NRG1: variants seen among roughly 807,000 people sequenced by gnomAD.
NRG1 encodes neuregulin 1, also known as pro-neuregulin-1, membrane-bound isoform.
Under a neutral mutation model 63.8 loss-of-function variants are expected in NRG1, and 18 were observed. That is an observed-to-expected ratio of 0.28 (90% CI 0.19 to 0.42). NRG1 has a LOEUF of 0.42. Among genes scored for constraint, NRG1 ranks in the 10% least tolerant of loss-of-function variants. NRG1 has a pLI of 1.00. For synonymous variants in NRG1, 302 were observed against 301.3 expected, an observed-to-expected ratio of 1.00 and a Z score of -0.02; for missense variants, 762 against 814.7, an observed-to-expected ratio of 0.94 and a Z score of 0.79.
rs36074483 is a variant in NRG1, at chr8:31,648,124, C to CTTTTTTTTTTTT, written c.37+8709_37+8720dup. On this transcript the variant is annotated intron_variant, in intron 1 of 10. Coordinates refer to the NRG1 transcript ENST00000519301. ...TTCTGTCTTTACAAATTTGACTACT[C>CTTTTTTTTTTTT]TTTTTTTTTTTTTTTTTTTTTTTTT... is the stretch of plus-strand genomic sequence containing the variant. Among the ~76,000 whole-genome samples, 39 of 51,306 alleles carry CTTTTTTTTTTTT rather than the reference C, an allele frequency of 7.6e-4. 9 individuals carry two copies. Among genetic ancestry groups the CTTTTTTTTTTTT allele is most frequent in the African/African-American group, 3.5e-3 (38 of 10,808 alleles). The allele number at this position is 51,306 out of a possible 152,430, so 33.7% of individuals were successfully genotyped here.
intron 1 of NRG1, among the ~76,000 whole-genome samples, chr8:31,835,579 A>C (rs936567000): frequency 1.3e-5 from 2 of 152,196 alleles, no homozygotes; most frequent in African/African-American, 2.4e-5. Flanking sequence ...AAGTGGATTC[A>C]GATTCATTAA....
intron 1 of NRG1, among the ~76,000 whole-genome samples, chr8:31,922,734 T>A (rs1563571304): frequency 6.6e-6 from 1 of 152,168 alleles, no homozygotes; most frequent in Non-Finnish European, 1.5e-5. Context: ...ATCTAGAAGA[T>A]TTTGGACAAT....
chr8:31,974,800 G>T (rs1807887914), intron 1 of NRG1, among the ~76,000 whole-genome samples: 1 of 152,178 alleles, frequency 6.6e-6, no homozygotes, highest in Non-Finnish European at 1.5e-5. Flanking sequence ...TTATTTTAAA[G>T]CTGATTGGAT....
At position 31,800,837 on chromosome 8, in the gene NRG1, C is replaced by CTTTTTTTTTTT. The variant is rs5890598; in HGVS notation, c.37+161417_37+161427dup. Among the ~76,000 whole-genome samples, 92 of 105,036 alleles carry CTTTTTTTTTTT rather than the reference C, an allele frequency of 8.8e-4. 2 individuals are homozygous for CTTTTTTTTTTT. The highest frequency in any genetic ancestry group is 2.5e-3 in the African/African-American group (66 of 26,650). 68.9% of individuals were successfully genotyped at this position (105,036 alleles called of 152,430 possible). On this transcript the variant is annotated intron_variant, in intron 1 of 10. Coordinates refer to the NRG1 transcript ENST00000519301. ...GATTTAGATTTCTCCAGTCTCCTTT[C>CTTTTTTTTTTT]TTTTTTTTTTTTTTTTTTTTTGAGA...
chr8:31,639,834 C>T, intron 1 of NRG1: 1 of 1,185,082 alleles, frequency 8.4e-7, no homozygotes, highest in Non-Finnish European at 1.0e-6. Flanking sequence ...AACAACTCTC[C>T]TACCCCTGCA....
chr8:32,668,794 T>C (rs981192806), intron 5 of NRG1, among the ~76,000 whole-genome samples: 5 of 152,118 alleles, frequency 3.3e-5, no homozygotes, highest in African/African-American at 1.2e-4. Context: ...ATGTTAGAAA[T>C]AGAAAAAAGA....
chr8:31,723,718 T>A (rs945928480), intron 1 of NRG1, among the ~76,000 whole-genome samples: 2 of 152,180 alleles, frequency 1.3e-5, no homozygotes, highest in African/African-American at 4.8e-5. Flanking sequence ...TGGAGTACTA[T>A]GTCCTTTAAA....
intron 1 of NRG1, among the ~76,000 whole-genome samples, chr8:32,327,230 G>A (rs191951563): frequency 2.4e-3 from 360 of 152,326 alleles, no homozygotes; most frequent in Non-Finnish European, 4.3e-3. Flanking sequence ...TGAATGGTGT[G>A]ATCCAACTTT....
chr8:32,689,881 C>G (rs1811134716), intron 5 of NRG1, among the ~76,000 whole-genome samples: 1 of 152,124 alleles, frequency 6.6e-6, no homozygotes, highest in African/African-American at 2.4e-5. Context: ...TCAGTCCTAC[C>G]TCTTGCTTCT....
chr8:32,240,212 A>G (rs569353812), intron 1 of NRG1, among the ~76,000 whole-genome samples: 10 of 152,326 alleles, frequency 6.6e-5, no homozygotes, highest in African/African-American at 1.9e-4. Context: ...ATGACATACT[A>G]TGAAGCAATA....
intron 1 of NRG1, among the ~76,000 whole-genome samples, chr8:32,119,503 CA>C (rs1833162237): frequency 6.6e-6 from 1 of 152,078 alleles, no homozygotes; most frequent in African/African-American, 2.4e-5. Context: ...TTTCTTCACC[CA>C]AACCATGTTC....
intron 1 of NRG1, among the ~76,000 whole-genome samples, chr8:31,879,108 G>C (rs892218357): frequency 6.6e-6 from 1 of 152,116 alleles, no homozygotes; most frequent in Admixed American, 6.6e-5. Flanking sequence ...CAAGGGGCAC[G>C]CATTACACAA....
intron 1 of NRG1, among the ~76,000 whole-genome samples, chr8:32,212,784 C>T (rs1182244852): frequency 6.6e-6 from 1 of 152,074 alleles, no homozygotes; most frequent in East Asian, 1.9e-4. Flanking sequence ...TCTTGTTATT[C>T]TTTGACCTCA....
chr8:32,254,820 G>A (rs985554022), intron 1 of NRG1, among the ~76,000 whole-genome samples: 1 of 152,114 alleles, frequency 6.6e-6, no homozygotes, highest in African/African-American at 2.4e-5. Flanking sequence ...CTCTTTGTAG[G>A]TCTCTAAGAA....
chr8:32,263,065 T>C (rs1484112671), intron 1 of NRG1, among the ~76,000 whole-genome samples: 3 of 152,210 alleles, frequency 2.0e-5, no homozygotes, highest in African/African-American at 7.2e-5. Context: ...CAGAAATCTT[T>C]ATCTGATCTG....
chr8:32,553,920 G>T (rs1005881546), intron 1 of NRG1, among the ~76,000 whole-genome samples: 3 of 152,146 alleles, frequency 2.0e-5, no homozygotes, highest in African/African-American at 7.2e-5. Context: ...AGTTCTGGAA[G>T]TGTGATAGAT....
intron 1 of NRG1, among the ~76,000 whole-genome samples, chr8:32,535,221 C>G (rs1831840409): frequency 6.6e-6 from 1 of 152,140 alleles, no homozygotes; most frequent in South Asian, 2.1e-4. Flanking sequence ...ACAAAAACAG[C>G]ACACTTAAAC....
intron 1 of NRG1, among the ~76,000 whole-genome samples, chr8:32,427,531 A>G (rs1817547464): frequency 6.6e-6 from 1 of 152,238 alleles, no homozygotes; most frequent in South Asian, 2.1e-4. Flanking sequence ...GCTTGTGCCA[A>G]CAGCCTTGTC....
rs866959434 is a variant in NRG1, at chr8:32,501,295, A to G, written c.38-94533A>G. 1.1e-4 allele frequency among the ~76,000 whole-genome samples: 17 copies of G among 152,344 alleles called. No individual in the cohort carries two copies. In the Middle Eastern group the frequency reaches 0.017, roughly 152 times the overall value. ...AAGACATCTCATGAACAGCAAGGGC[A>G]TTGACAGATTTCTAGGAATTTTATA... is the stretch of plus-strand genomic sequence containing the variant. On this transcript the variant is annotated intron_variant, in intron 1 of 10. Coordinates refer to the NRG1 transcript ENST00000519301.
Sources: gnomAD v4.1 joint callset for allele counts (sites outside exome capture counted in the v4.1 genomes callset) on GRCh38, gnomAD v4.1.1 for gene constraint, MANE v1.5 for transcripts, NCBI Gene and HGNC (gene_info 2026-07-23, HGNC 2026-07-21) for gene names.